Variants in CHRM3 observed in about 807,000 individuals in gnomAD.
CHRM3 encodes muscarinic acetylcholine receptor M3.
A neutral mutation model predicts 41.8 loss-of-function variants in CHRM3; 11 were observed. The ratio of observed to expected loss-of-function variants is 0.26; its 90% CI spans 0.17 to 0.44. The LOEUF (loss-of-function observed/expected upper bound fraction) is 0.44. Ranked by LOEUF, CHRM3 falls within the 20% of genes least tolerant of loss-of-function variation. The pLI, the probability that CHRM3 is intolerant of heterozygous loss-of-function variation, is 1.00. For missense variants in CHRM3, 571 were observed against 745.4 expected, an observed-to-expected ratio of 0.77 and a Z score of 2.72; for synonymous variants, 297 against 301.4, an observed-to-expected ratio of 0.99 and a Z score of 0.15.
At chr1:239,402,482 C>T (rs1460279104) in intron 1 of CHRM3, among the ~76,000 whole-genome samples, 1 of 152,146 alleles carries the variant, frequency 6.6e-6, no homozygotes, top group Non-Finnish European at 1.5e-5. Context: ...GTAACAAGAC[C>T]TACAATTTTA....
chr1:239,413,695 A>G (rs1197212953), intron 1 of CHRM3, among the ~76,000 whole-genome samples: 2 of 152,220 alleles, frequency 1.3e-5, no homozygotes, highest in African/African-American at 4.8e-5. Context: ...GAACTCACTT[A>G]TCTGGATTAT....
chr1:239,606,542 G>T (rs1666312893), intron 3 of CHRM3, among the ~76,000 whole-genome samples: 1 of 152,158 alleles, frequency 6.6e-6, no homozygotes, highest in South Asian at 2.1e-4. Context: ...CCAAAGTGCT[G>T]GGATTATAGG....
intron 3 of CHRM3, among the ~76,000 whole-genome samples, chr1:239,567,356 CTGATTTCT>C (rs1460038111): frequency 6.6e-6 from 1 of 151,688 alleles, no homozygotes; most frequent in Non-Finnish European, 1.5e-5. Context: ...CCTTGGGCAC[CTGATTTCT>C]AATTTCAGAA....
chr1:239,786,256 A>G (rs1320478655), intron 5 of CHRM3, among the ~76,000 whole-genome samples: 2 of 152,090 alleles, frequency 1.3e-5, no homozygotes, highest in Admixed American at 1.3e-4. Flanking sequence ...GCTTTGTATA[A>G]TTCATTTTAT....
intron 5 of CHRM3, among the ~76,000 whole-genome samples, chr1:239,709,180 G>C (rs1056197419): frequency 2.0e-5 from 3 of 152,060 alleles, no homozygotes; most frequent in Non-Finnish European, 2.9e-5. Context: ...AAAGTTTTCA[G>C]ACTGAAACTC....
chr1:239,857,353 T>C (rs1052323596), intron 6 of CHRM3, among the ~76,000 whole-genome samples: 2 of 152,202 alleles, frequency 1.3e-5, no homozygotes, highest in African/African-American at 2.4e-5. Flanking sequence ...ATATTTACTA[T>C]CTAAAACTAA....
chr1:239,699,186 A>C (rs1403050402), intron 5 of CHRM3, among the ~76,000 whole-genome samples: 1 of 152,044 alleles, frequency 6.6e-6, no homozygotes, highest in African/African-American at 2.4e-5. Context: ...GTTTTACTAC[A>C]TAGTTTTGCA....
chr1:239,809,180 C>T (rs999813199), intron 5 of CHRM3, among the ~76,000 whole-genome samples: 8 of 13,456 alleles, frequency 5.9e-4, no homozygotes, highest in South Asian at 6.8e-3. Context: ...CCACCACACC[C>T]GGCTAGTTTT....
At chr1:239,889,576 C>T (rs924014049) in intron 6 of CHRM3, among the ~76,000 whole-genome samples, 18 of 152,264 alleles carry the variant, frequency 1.2e-4, no homozygotes, top group South Asian at 2.1e-4. Context: ...TCTTGGGCCG[C>T]TTTTTGTTGA....
Position 239,874,326 on chromosome 1 carries a change from T to TATATATATAC in CHRM3, c.-19-33106_-19-33105insTATATATACA, listed in dbSNP as rs1327295792. On this transcript the variant is annotated intron_variant, in intron 6 of 6. Coordinates refer to ENST00000676153, the MANE Select transcript of CHRM3 (RefSeq NM_001375978.1). The stretch of plus-strand genomic sequence containing the variant: ...ATATATATATATATATATATATATA[T>TATATATATAC]ACACAGTTGACCCTCGAACAACACA... Among the ~76,000 whole-genome samples the TATATATATAC allele has an allele frequency of 9.1e-4, 111 of 121,966 alleles. 2 individuals carry two copies. The highest frequency in any genetic ancestry group is 1.3e-3 in the Non-Finnish European group (74 of 58,586). 80.0% of individuals were successfully genotyped at this position (121,966 alleles called of 152,430 possible).
At chr1:239,667,136 G>A (rs1163462552) in intron 4 of CHRM3, among the ~76,000 whole-genome samples, 1 of 151,788 alleles carries the variant, frequency 6.6e-6, no homozygotes, top group African/African-American at 2.4e-5. Flanking sequence ...TAATTTCTTT[G>A]TATCACGAAT....
intron 4 of CHRM3, among the ~76,000 whole-genome samples, chr1:239,643,118 C>T (rs188510686): frequency 5.9e-5 from 9 of 152,264 alleles, no homozygotes; most frequent in African/African-American, 2.4e-5. Flanking sequence ...CTGATCGTTC[C>T]TCTGGAAGTT....
At chr1:239,866,590 C>T (rs1479251124) in intron 6 of CHRM3, among the ~76,000 whole-genome samples, 1 of 152,142 alleles carries the variant, frequency 6.6e-6, no homozygotes, top group East Asian at 1.9e-4. Context: ...AGAAATACAA[C>T]AGCGCATGAA....
At chr1:239,424,641 T>C (rs1662226675) in intron 1 of CHRM3, among the ~76,000 whole-genome samples, 1 of 152,216 alleles carries the variant, frequency 6.6e-6, no homozygotes, top group African/African-American at 2.4e-5. Context: ...TATGGTGCTC[T>C]GAGACAGTCT....
chr1:239,805,388 A>G (rs905070829), intron 5 of CHRM3, among the ~76,000 whole-genome samples: 17 of 152,202 alleles, frequency 1.1e-4, no homozygotes, highest in African/African-American at 4.1e-4. Flanking sequence ...TGAACAGATA[A>G]ATACCTTTGA....
In CHRM3 at chr1:239,715,464, A is replaced by G. The variant is rs138372836; in HGVS notation, c.-147+37176A>G. On this transcript the variant is annotated intron_variant, in intron 5 of 6. Transcript: ENST00000676153. The stretch of plus-strand genomic sequence containing the variant: ...TGACCATGGCGTAAATACCGTCACC[A>G]TGGCTGGAGTAAAACTATCATGGAA... Among the ~76,000 whole-genome samples, 62 of 152,264 alleles carry G rather than the reference A, an allele frequency of 4.1e-4. No homozygotes were observed. The East Asian group carries it at 6.2e-3, about 15-fold the overall frequency.
chr1:239,627,539 G>A (rs1429788883), intron 3 of CHRM3, among the ~76,000 whole-genome samples: 2 of 112,454 alleles, frequency 1.8e-5, no homozygotes, highest in Non-Finnish European at 3.7e-5. Flanking sequence ...ATTTGATCCT[G>A]TCATTATGAT....
chr1:239,618,695 T>C (rs896096416), intron 3 of CHRM3, among the ~76,000 whole-genome samples: 3 of 150,230 alleles, frequency 2.0e-5, no homozygotes, highest in Admixed American at 6.6e-5. Context: ...ATACAAAAAA[T>C]TAGCTGGGCG....
intron 3 of CHRM3, among the ~76,000 whole-genome samples, chr1:239,553,261 A>G (rs963731392): frequency 6.6e-6 from 1 of 152,128 alleles, no homozygotes; most frequent in East Asian, 1.9e-4. Flanking sequence ...TTATTTTTGA[A>G]AATAAAATTA....
Sources: gnomAD v4.1 joint callset for allele counts (sites outside exome capture counted in the v4.1 genomes callset) on GRCh38, gnomAD v4.1.1 for gene constraint, MANE v1.5 for transcripts, NCBI Gene and HGNC (gene_info 2026-07-23, HGNC 2026-07-21) for gene names.